The following DTNB variants were observed in gnomAD, a reference collection of about 807,000 sequenced individuals.
DTNB encodes DTN-B.
Under a neutral mutation model 90.7 loss-of-function variants are expected in DTNB, and 63 were observed. The observed-to-expected ratio is 0.69, with a 90% CI of 0.57 to 0.86. DTNB has a LOEUF of 0.86. Ranked by LOEUF, DTNB falls within the 40% of genes least tolerant of loss-of-function variation. The pLI is 0.00. For missense variants in DTNB, 744 were observed against 807.1 expected (o/e 0.92, Z 0.95); for synonymous variants, 277 against 286.7 (o/e 0.97, Z 0.34).
At chr2:25,441,471 A>C (rs939352259) in intron 12 of DTNB, among the ~76,000 whole-genome samples, 1 of 152,208 alleles carries the variant, frequency 6.6e-6, no homozygotes, top group African/African-American at 2.4e-5. Flanking sequence ...GTTGTTATAT[A>C]ACTTGTTTGG....
chr2:25,432,966 CAGGCGG>C lies in DTNB; in HGVS notation c.1371_1376del (p.Arg458_Leu459del), dbSNP rs1558504137. On this transcript the variant is annotated inframe_deletion, in exon 14 of 21. Coordinates refer to ENST00000406818, the MANE Select transcript of DTNB (RefSeq NM_021907.5). ...TGGGCTGGGAGGCCTGCTCGTGTTC[CAGGCGG>C]AGACGCTGAATCTCCTGCAGGATCT... 1 of 1,610,242 alleles carries C rather than the reference CAGGCGG, an allele frequency of 6.2e-7. No individual in the cohort carries two copies. Among genetic ancestry groups the C allele is most frequent in the East Asian group, 2.2e-5 (1 of 44,860 alleles).
rs1313130733 is a variant in DTNB, at chr2:25,576,924, A to C, written c.790T>G (p.Tyr264Asp). The C allele has an allele frequency of 1.2e-6, 2 of 1,613,228 alleles. No homozygotes were observed. Among genetic ancestry groups the C allele is most frequent in the Middle Eastern group, 3.3e-4 (2 of 6,062 alleles). The change falls in exon 8 of 21, where the codon TAT becomes GAT. Residue 264 changes from tyrosine to aspartate, a missense_variant. Transcript: ENST00000406818. Reference protein sequence around the residue: ...FRYRCQQCHNYQLCQNCFWRG... With the variant: ...FRYRCQQCHNDQLCQNCFWRG... The stretch of plus-strand genomic sequence containing the variant: ...CAAAAGCAATTCTGGCAGAGCTGAT[A>C]GTTGTGGCACTGCTGGCATCGGTAC...
intron 5 of DTNB, among the ~76,000 whole-genome samples, chr2:25,606,991 A>G (rs1197801752): frequency 1.3e-5 from 2 of 152,348 alleles, no homozygotes; most frequent in East Asian, 3.9e-4. Flanking sequence ...TTTAAATGTC[A>G]GCATTATGAT....
At chr2:25,555,161 G>A (rs1402153446) in intron 8 of DTNB, among the ~76,000 whole-genome samples, 2 of 151,638 alleles carry the variant, frequency 1.3e-5, no homozygotes, top group Admixed American at 1.3e-4. Flanking sequence ...TGTGGTGGCG[G>A]GTGCCTGTAG....
At chr2:25,394,389 G>T (rs2041913135) in intron 16 of DTNB, among the ~76,000 whole-genome samples, 1 of 151,872 alleles carries the variant, frequency 6.6e-6, no homozygotes. Flanking sequence ...AAGATAAATA[G>T]ATGGGACTTA....
chr2:25,648,747 G>C (rs1183934481), intron 2 of DTNB, among the ~76,000 whole-genome samples: 1 of 152,070 alleles, frequency 6.6e-6, no homozygotes, highest in Non-Finnish European at 1.5e-5. Context: ...TATTAACAGA[G>C]TAAAGAGGAA....
chr2:25,536,413 C>A (rs1160961786), intron 8 of DTNB, among the ~76,000 whole-genome samples: 1 of 151,556 alleles, frequency 6.6e-6, no homozygotes, highest in Non-Finnish European at 1.5e-5. Context: ...GCCTGGGCAA[C>A]ATTGAGCAAT....
intron 14 of DTNB, among the ~76,000 whole-genome samples, chr2:25,430,718 T>C (rs756174461): frequency 1.3e-5 from 2 of 152,094 alleles, no homozygotes; most frequent in Non-Finnish European, 2.9e-5. Context: ...GTGGGGAAGG[T>C]GGAGGCAAGG....
At chr2:25,379,352 C>A in intron 19 of DTNB, 29 bp from the exon 20 acceptor site, 1 of 1,311,784 alleles carries the variant, frequency 7.6e-7, no homozygotes, top group Non-Finnish European at 9.8e-7. Flanking sequence ...AAACAACACA[C>A]TGAGGTCACG....
chr2:25,647,945 T>A (rs2079886282), intron 2 of DTNB, among the ~76,000 whole-genome samples: 1 of 151,636 alleles, frequency 6.6e-6, no homozygotes, highest in African/African-American at 2.4e-5. Flanking sequence ...AATAACAGAA[T>A]TGCCTAAATA....
intron 10 of DTNB, among the ~76,000 whole-genome samples, chr2:25,462,834 G>C (rs2150222512): frequency 6.6e-6 from 1 of 152,146 alleles, no homozygotes; most frequent in East Asian, 1.9e-4. Flanking sequence ...CTCCCAAGTA[G>C]CTGGGACTAC....
chr2:25,622,196 C>A (rs2072900799), intron 4 of DTNB, among the ~76,000 whole-genome samples: 2 of 152,134 alleles, frequency 1.3e-5, no homozygotes, highest in South Asian at 4.1e-4. Flanking sequence ...TAAGAGCAAT[C>A]TGGCCGGGTG....
chr2:25,521,447 A>G (rs1464667454), intron 9 of DTNB, among the ~76,000 whole-genome samples: 4 of 151,358 alleles, frequency 2.6e-5, no homozygotes, highest in African/African-American at 4.9e-5. Context: ...GGAAAGGCAC[A>G]ATCTCGGCTC....
At chr2:25,384,316 C>T (rs1045794672) in intron 18 of DTNB, among the ~76,000 whole-genome samples, 9 of 152,088 alleles carry the variant, frequency 5.9e-5, no homozygotes, top group Admixed American at 1.3e-4. Context: ...AAAAAAATTC[C>T]GTATGTTTTA....
chr2:25,390,715 A>T (rs893324048), intron 16 of DTNB, among the ~76,000 whole-genome samples: 3 of 150,664 alleles, frequency 2.0e-5, no homozygotes, highest in South Asian at 2.1e-4. Context: ...CCAAAGTGCT[A>T]GGATTACAGG....
chr2:25,626,989 G>A lies in DTNB; in HGVS notation c.362+1182C>T, dbSNP rs115250389. 9.8e-4 allele frequency among the ~76,000 whole-genome samples: 149 copies of A among 152,238 alleles called. 1 individual carries two copies. The highest frequency in any genetic ancestry group is 3.5e-3 in the African/African-American group (144 of 41,542). On this transcript the variant is annotated intron_variant, in intron 4 of 20. Transcript: ENST00000406818. The stretch of plus-strand genomic sequence containing the variant: ...TTACAATACCAACTCAATTCTCTAC[G>A]AATATAAGTGCAGCAAATCATTTCC...
chr2:25,513,937 T>C (rs1012845758), intron 9 of DTNB, among the ~76,000 whole-genome samples: 4 of 148,244 alleles, frequency 2.7e-5, no homozygotes, highest in African/African-American at 5.0e-5. Context: ...CCACGCCAGA[T>C]AGGGAGATAG....
At position 25,385,161 on chromosome 2, in the gene DTNB, A is replaced by G. The variant is rs561203656; in HGVS notation, c.1826-1272T>C. Among the ~76,000 whole-genome samples, 7 of 152,280 alleles carry G rather than the reference A, an allele frequency of 4.6e-5. No homozygotes were observed. In the South Asian group the frequency reaches 1.4e-3, roughly 32 times the overall value. On this transcript the variant is annotated intron_variant, in intron 18 of 20. Transcript: ENST00000406818. ...CCAAAGTGCTGGGATTACAGGTGTGAGCCACTGTGCCTGTGGCCTCGATCC... is the reference window on the plus strand; with the variant it reads ...CCAAAGTGCTGGGATTACAGGTGTGGGCCACTGTGCCTGTGGCCTCGATCC...
At chr2:25,465,479 T>A (rs1238311220) in intron 10 of DTNB, among the ~76,000 whole-genome samples, 5 of 152,166 alleles carry the variant, frequency 3.3e-5, no homozygotes, top group African/African-American at 4.8e-5. Context: ...TATTCTATAA[T>A]AAATCTTATT....
Sources: allele counts gnomAD v4.1 joint callset (sites outside exome capture counted in the v4.1 genomes callset), GRCh38; gene constraint gnomAD v4.1.1; transcripts MANE v1.5; gene names NCBI Gene and HGNC (gene_info 2026-07-23, HGNC 2026-07-21).